The following ISM1 variants were observed in gnomAD, a reference collection of about 807,000 sequenced individuals.
The protein encoded by ISM1 is isthmin-1.
A neutral mutation model predicts 46.3 loss-of-function variants in ISM1; 25 were observed. That is an observed-to-expected ratio of 0.54 (90% CI 0.39 to 0.75). The LOEUF (loss-of-function observed/expected upper bound fraction) is 0.75. ISM1 is among the 30% of genes least tolerant of loss of function. The probability of loss-of-function intolerance (pLI) is 0.00; values close to 1 mark genes in which losing one functional copy is unlikely to be tolerated. For missense variants in ISM1, 536 were observed against 625.4 expected (o/e 0.86, Z 1.52); for synonymous variants, 255 against 256.7 (o/e 0.99, Z 0.06).
At chr20:13,314,096 A>T in the ISM1 span, among the ~76,000 whole-genome samples, 2 of 152,208 alleles carry the variant, frequency 1.3e-5, no homozygotes, top group Non-Finnish European at 2.9e-5. Context: ...CAAAGAGAAA[A>T]AAAGACTGAA....
intron 5 of ISM1, 140 bp from the exon 6 acceptor site, chr20:13,298,802 G>A (rs1568692547): frequency 2.6e-6 from 2 of 755,268 alleles, no homozygotes; most frequent in South Asian, 1.8e-5. Context: ...TAGGACAGGA[G>A]TTGTTGACTT....
chr20:13,228,071 C>T (rs889522223), intron 1 of ISM1, among the ~76,000 whole-genome samples: 1 of 149,942 alleles, frequency 6.7e-6, no homozygotes, highest in African/African-American at 2.5e-5. Flanking sequence ...CTCCCGGGTT[C>T]AAGCGATTCT....
intron 1 of ISM1, among the ~76,000 whole-genome samples, chr20:13,233,858 C>T (rs571853814): frequency 1.1e-4 from 16 of 152,288 alleles, no homozygotes; most frequent in African/African-American, 2.9e-4. Flanking sequence ...TCAGCCCTTG[C>T]GCCCAGAATG....
intron 2 of ISM1, among the ~76,000 whole-genome samples, chr20:13,276,739 G>A (rs1422781322): frequency 6.6e-6 from 1 of 152,116 alleles, no homozygotes; most frequent in South Asian, 2.1e-4. Flanking sequence ...CTTTATCAAC[G>A]GATTCTTTGA....
At chr20:13,291,306 G>A (rs1000697795) in intron 4 of ISM1, among the ~76,000 whole-genome samples, 1 of 152,104 alleles carries the variant, frequency 6.6e-6, no homozygotes, top group Non-Finnish European at 1.5e-5. Flanking sequence ...GAAGGATTTC[G>A]TTTTTAAGGA....
downstream of ISM1, among the ~76,000 whole-genome samples, chr20:13,302,901 G>A (rs935545044): frequency 5.3e-5 from 8 of 152,136 alleles, no homozygotes; most frequent in Non-Finnish European, 1.2e-4. Flanking sequence ...TCATGTAACC[G>A]CCATGATTAT....
At chr20:13,289,948 A>C (rs924375436) in intron 4 of ISM1, among the ~76,000 whole-genome samples, 4 of 152,188 alleles carry the variant, frequency 2.6e-5, no homozygotes, top group African/African-American at 9.7e-5. Context: ...TCTACCTTAG[A>C]CACTCAGTTC....
chr20:13,302,138 A>G (rs11904942), downstream of ISM1, among the ~76,000 whole-genome samples: 3,113 of 152,330 alleles, frequency 0.02, 102 homozygotes, highest in African/African-American at 0.072. Flanking sequence ...ATTTAGAGTG[A>G]AATCTCAAAG....
intron 3 of ISM1, among the ~76,000 whole-genome samples, chr20:13,286,613 T>C (rs774956078): frequency 1.1e-4 from 16 of 152,262 alleles, no homozygotes; most frequent in Non-Finnish European, 1.9e-4. Flanking sequence ...GAGCAAGCTC[T>C]CCACTCAGAG....
the ISM1 span, among the ~76,000 whole-genome samples, chr20:13,310,215 A>G: frequency 6.6e-6 from 1 of 152,332 alleles, no homozygotes; most frequent in South Asian, 2.1e-4. Flanking sequence ...AATCAAAACA[A>G]CATGATACTA....
chr20:13,280,391 ACCCCC>A (rs33933983), intron 3 of ISM1, among the ~76,000 whole-genome samples: 2 of 132,004 alleles, frequency 1.5e-5, no homozygotes, highest in Admixed American at 1.5e-4. Context: ...CTTCAAAGTA[ACCCCC>A]CCCCCCCAAT....
At chr20:13,228,442 TTCTA>T (rs2039553162) in intron 1 of ISM1, among the ~76,000 whole-genome samples, 2 of 152,236 alleles carry the variant, frequency 1.3e-5, no homozygotes, top group Non-Finnish European at 2.9e-5. Context: ...GTTGGCTGTC[TTCTA>T]TCTTATTTCC....
At chr20:13,242,879 T>C (rs773848100) in intron 1 of ISM1, among the ~76,000 whole-genome samples, 34 of 152,224 alleles carry the variant, frequency 2.2e-4, no homozygotes, top group Non-Finnish European at 4.9e-4. Context: ...GTTTTTGTCA[T>C]ATACTTAAAT....
At chr20:13,282,837 G>A (rs1191880627) in intron 3 of ISM1, among the ~76,000 whole-genome samples, 3 of 152,172 alleles carry the variant, frequency 2.0e-5, no homozygotes, top group African/African-American at 7.2e-5. Context: ...AGAAGCCTGG[G>A]CGAAGCTGAG....
chr20:13,240,843 A>T (rs1369890279), intron 1 of ISM1, among the ~76,000 whole-genome samples: 1 of 152,194 alleles, frequency 6.6e-6, no homozygotes, highest in Non-Finnish European at 1.5e-5. Context: ...CAGAGTTAAG[A>T]AGTGAAGAGT....
At chr20:13,245,161 A>T (rs2039778628) in intron 1 of ISM1, 1 of 152,170 alleles carries the variant, frequency 6.6e-6, no homozygotes, top group South Asian at 2.1e-4. Flanking sequence ...CCCTATACTT[A>T]TGCTACCCCG....
chr20:13,236,823 G>A (rs2039655276), intron 1 of ISM1, among the ~76,000 whole-genome samples: 1 of 152,244 alleles, frequency 6.6e-6, no homozygotes, highest in Non-Finnish European at 1.5e-5. Context: ...ACATCAAGGT[G>A]ACACTGATGC....
chr20:13,283,861 T>C (rs2123293921), intron 3 of ISM1, among the ~76,000 whole-genome samples: 1 of 152,346 alleles, frequency 6.6e-6, no homozygotes, highest in African/African-American at 2.4e-5. Flanking sequence ...GTGATTTTTT[T>C]TCAGTGGTTT....
intron 2 of ISM1, among the ~76,000 whole-genome samples, chr20:13,276,916 T>A (rs867673913): frequency 2.0e-5 from 3 of 152,372 alleles, no homozygotes; most frequent in Admixed American, 6.5e-5. Context: ...AGGTTTTCAC[T>A]TTGTTAACTG....
Sources: gnomAD v4.1 joint callset for allele counts (sites outside exome capture counted in the v4.1 genomes callset) on GRCh38, gnomAD v4.1.1 for gene constraint, MANE v1.5 for transcripts, NCBI Gene and HGNC (gene_info 2026-07-23, HGNC 2026-07-21) for gene names.